CYP2B6: variants seen among roughly 807,000 people sequenced by gnomAD.
CYP2B6 encodes the protein cytochrome P450 2B6.
CYP2B6 carries 35 observed loss-of-function variants against 43.4 expected under a neutral mutation model. The ratio of observed to expected loss-of-function variants is 0.81; its 90% CI spans 0.62 to 1.07. CYP2B6 has a LOEUF of 1.07. Ranked by LOEUF, CYP2B6 falls within the 50% of genes least tolerant of loss-of-function variation. CYP2B6 has a pLI of 0.00. For missense variants in CYP2B6, 624 were observed against 632.8 expected (o/e 0.99, Z 0.15); for synonymous variants, 239 against 239.2 (o/e 1.00, Z 0.01).
At chr19:41,008,018 T>C (rs1166721352) in intron 4 of CYP2B6, among the ~76,000 whole-genome samples, 193 of 151,880 alleles carry the variant, frequency 1.3e-3, no homozygotes, top group African/African-American at 4.5e-3. Flanking sequence ...AGGAACAGCA[T>C]TTCTTCATTT....
intron 1 of CYP2B6, among the ~76,000 whole-genome samples, chr19:40,992,525 C>CT (rs929877963): frequency 4.0e-5 from 6 of 151,066 alleles, no homozygotes; most frequent in African/African-American, 7.3e-5. Context: ...ATTTAAGACT[C>CT]TTTTTTTTTC....
At position 41,002,104 on chromosome 19, in the gene CYP2B6, C is replaced by A. The variant is rs35405844; in HGVS notation, c.172-1897C>A. Among the ~76,000 whole-genome samples the A allele has an allele frequency of 2.2e-4, 34 of 152,098 alleles. No individual in the cohort carries two copies. The East Asian group carries it at 6.2e-3, about 28-fold the overall frequency. On this transcript the variant is annotated intron_variant, in intron 1 of 8. Transcript: ENST00000324071. Reference sequence around the variant, plus strand: ...GGTAATAGGGCCACGTCATGTAGGACCATGTGAACCCTCAGTGGAGACTTC... The same window carrying A: ...GGTAATAGGGCCACGTCATGTAGGAACATGTGAACCCTCAGTGGAGACTTC...
intron 1 of CYP2B6, among the ~76,000 whole-genome samples, chr19:40,993,446 T>C (rs540861470): frequency 4.9e-4 from 74 of 152,246 alleles, no homozygotes; most frequent in African/African-American, 1.7e-3. Flanking sequence ...GCAAGTACCT[T>C]CTTCACAAGG....
chr19:41,010,035 C>A lies in CYP2B6; in HGVS notation c.864C>A (p.Leu288=). 1 of 1,614,182 alleles carries A rather than the reference C, an allele frequency of 6.2e-7. No individual in the cohort carries two copies. Among genetic ancestry groups the A allele is most frequent in the Non-Finnish European group, 8.5e-7 (1 of 1,180,040 alleles). The change falls in exon 6 of 9, where the codon CTC becomes CTA. Residue 288 remains leucine (L), a synonymous_variant. Transcript: ENST00000324071. ...NAHSEFSHQN[L]NLNTLSLFFA... is the part of the protein sequence containing the mutation. ...ACAGTGAATTCAGCCACCAGAACCTCAACCTCAACACGCTCTCGCTCTTCT... is the reference window on the plus strand; with the variant it reads ...ACAGTGAATTCAGCCACCAGAACCTAAACCTCAACACGCTCTCGCTCTTCT...
In CYP2B6 at chr19:40,998,147, C is replaced by A. The variant is rs147064367; in HGVS notation, c.172-5854C>A. Among the ~76,000 whole-genome samples, 1,273 of 152,066 alleles carry A rather than the reference C, an allele frequency of 8.4e-3. 22 individuals carry two copies. The highest frequency in any genetic ancestry group is 0.028 in the African/African-American group (1,160 of 41,432). ...TGTGAGGAGTGATAACATTTAGGAA[C>A]GTGTGTATAGGTTTAAATGCTGGTC... On this transcript the variant is annotated intron_variant, in intron 1 of 8. Transcript: ENST00000324071.
chr19:41,002,640 C>G (rs1158002312), intron 1 of CYP2B6, among the ~76,000 whole-genome samples: 1 of 152,144 alleles, frequency 6.6e-6, no homozygotes, highest in Non-Finnish European at 1.5e-5. Flanking sequence ...CTCCGCCTCC[C>G]CGGGCTCAAG....
chr19:41,016,808 T>A lies in CYP2B6; in HGVS notation c.1457T>A (p.Ile486Asn). ...GVGKIPPTYQ[I>N]RFLPR ...GGCAAAATACCCCCAACATACCAGA[T>A]CCGCTTCCTGCCCCGCTGAAGGGGC... is the stretch of plus-strand genomic sequence containing the variant. Residue 486 changes from isoleucine to asparagine, a missense_variant, in exon 9 of 9, where the codon ATC (isoleucine) becomes AAC (asparagine). By Grantham distance (149) the Ile-to-Asn change is moderately radical (BLOSUM62 -3). Coordinates refer to ENST00000324071, the MANE Select transcript of CYP2B6 (RefSeq NM_000767.5). The A allele has an allele frequency of 6.2e-7, 1 of 1,613,942 alleles. No homozygotes were observed. The highest frequency in any genetic ancestry group is 8.5e-7 in the Non-Finnish European group (1 of 1,179,934).
At chr19:41,007,240 G>T in intron 4 of CYP2B6, 175 bp downstream of exon 4, 1 of 651,266 alleles carries the variant, frequency 1.5e-6, no homozygotes. Flanking sequence ...GGTGAGACAG[G>T]GATAGAGACA....
intron 8 of CYP2B6, among the ~76,000 whole-genome samples, chr19:41,013,205 G>A (rs192235683): frequency 5.7e-4 from 87 of 152,140 alleles, no homozygotes; most frequent in Admixed American, 4.1e-3. Context: ...AGGGAAGATG[G>A]GCATTCATCA....
intron 4 of CYP2B6, chr19:41,007,276 G>C: frequency 1.7e-6 from 1 of 580,838 alleles, no homozygotes; most frequent in Non-Finnish European, 3.1e-6. Context: ...AGGCGTGATG[G>C]GGAGGCAGAA....
intron 6 of CYP2B6, among the ~76,000 whole-genome samples, chr19:41,011,706 T>C (rs147935844): frequency 1.3e-3 from 195 of 152,254 alleles, no homozygotes; most frequent in African/African-American, 4.6e-3. Flanking sequence ...CTGGAGTTCT[T>C]AATCTGAAAT....
At chr19:40,991,653 T>A (rs1336349506) in intron 1 of CYP2B6, among the ~76,000 whole-genome samples, 177 bp downstream of exon 1, 2 of 151,990 alleles carry the variant, frequency 1.3e-5, no homozygotes, top group Non-Finnish European at 2.9e-5. Flanking sequence ...AAGCATCAAA[T>A]TAAATTTAGC....
chr19:40,998,649 C>T (rs1458997056), intron 1 of CYP2B6, among the ~76,000 whole-genome samples: 3 of 137,652 alleles, frequency 2.2e-5, no homozygotes, highest in Non-Finnish European at 3.1e-5. Context: ...GTTCAATTCC[C>T]ACCTATGAGT....
Position 41,010,006 on chromosome 19 carries a change from G to C in CYP2B6, c.835G>C (p.Ala279Pro), listed in dbSNP as rs139029625. 514 of 1,613,900 alleles carry C rather than the reference G, an allele frequency of 3.2e-4. No individual in the cohort carries two copies. The African/African-American group carries it at 4.5e-3, about 14-fold the overall frequency. The change falls in exon 6 of 9, where the codon GCA (alanine) becomes CCA (proline). Residue 279 changes from alanine to proline, a missense_variant. Transcript: ENST00000324071. ...LLHMEKEKSN[A>P]HSEFSHQNLN... ...ACTGTGGACGCAGGAGAAATCCAAC[G>C]CACACAGTGAATTCAGCCACCAGAA... is the stretch of plus-strand genomic sequence containing the variant.
intron 4 of CYP2B6, among the ~76,000 whole-genome samples, chr19:41,007,940 CT>C (rs945856200): frequency 2.0e-5 from 3 of 151,972 alleles, no homozygotes; most frequent in Admixed American, 2.0e-4. Flanking sequence ...TCTGGTTCTT[CT>C]GTATCCTTGC....
chr19:41,012,625 A>C (rs768954253), intron 7 of CYP2B6, 49 bp from the exon 8 acceptor site: 1 of 1,612,738 alleles, frequency 6.2e-7, no homozygotes, highest in Admixed American at 1.7e-5. Context: ...GAGTGTGTGG[A>C]GGGTTGGAGG....
At chr19:41,000,229 A>G (rs1290098773) in intron 1 of CYP2B6, among the ~76,000 whole-genome samples, 1 of 152,080 alleles carries the variant, frequency 6.6e-6, no homozygotes, top group South Asian at 2.1e-4. Context: ...CTCATACACC[A>G]GCTGCCCCTC....
intron 1 of CYP2B6, among the ~76,000 whole-genome samples, chr19:40,998,567 T>A (rs1969032218): frequency 9.4e-6 from 1 of 106,472 alleles, no homozygotes; most frequent in Admixed American, 1.0e-4. Context: ...ATGCTATCCC[T>A]CCCCCCTCCC....
chr19:41,004,196 G>T (rs767965120), intron 2 of CYP2B6, 33 bp downstream of exon 2: 5 of 1,596,422 alleles, frequency 3.1e-6, no homozygotes, highest in Admixed American at 3.3e-5. Flanking sequence ...GAGGGGGCGG[G>T]TGGGGGGTGC....
Sources: allele counts gnomAD v4.1 joint callset (sites outside exome capture counted in the v4.1 genomes callset), GRCh38; gene constraint gnomAD v4.1.1; transcripts MANE v1.5; gene names NCBI Gene and HGNC (gene_info 2026-07-23, HGNC 2026-07-21).